Variants in PDGFA observed in about 807,000 individuals in gnomAD.
PDGFA encodes the protein platelet derived growth factor subunit A.
A neutral mutation model predicts 25.6 loss-of-function variants in PDGFA; 9 were observed. The ratio of observed to expected loss-of-function variants is 0.35; its 90% confidence interval spans 0.21 to 0.61. PDGFA has a LOEUF of 0.61. Among genes scored for constraint, PDGFA ranks in the 20% least tolerant of loss-of-function variants. The pLI is 0.75. For missense variants in PDGFA, 242 were observed against 272.8 expected (o/e 0.89, Z 0.79); for synonymous variants, 133 against 111.8 (o/e 1.19, Z -1.20).
At chr7:513,849 A>G (rs1373963808) in intron 2 of PDGFA, among the ~76,000 whole-genome samples, 1 of 152,242 alleles carries the variant, frequency 6.6e-6, no homozygotes, top group African/African-American at 2.4e-5. Flanking sequence ...GCTCGCCCGG[A>G]GCCCAACTTT....
Position 512,469 on chromosome 7 carries a change from G to T in PDGFA, c.161-14C>A, listed in dbSNP as rs777170493. ...AATCCTCACTCCCTGCAGGCGGAAG[G>T]AGAACACCGTGAATGCCCCAGGCCC... is the stretch of plus-strand genomic sequence containing the variant. On this transcript the variant is annotated splice_polypyrimidine_tract_variant and intron_variant, in intron 2 of 5. Coordinates refer to ENST00000402802, the Ensembl canonical transcript of PDGFA. 2 of 1,613,210 alleles carry T rather than the reference G, an allele frequency of 1.2e-6. No homozygotes were observed. Among genetic ancestry groups the T allele is most frequent in the Non-Finnish European group, 1.7e-6 (2 of 1,179,878 alleles).
chr7:510,784 G>A lies in PDGFA; in HGVS notation c.453+25C>T, dbSNP rs1238670409. On this transcript the variant is annotated intron_variant, in intron 4 of 5. Coordinates refer to ENST00000402802, the Ensembl canonical transcript of PDGFA. ...GAGAGGAGAGGAGGGGAGGGGAGGG[G>A]AGGGGAGGGGAGGGGAGGGCTCACC... 5.0e-6 allele frequency: 5 copies of A among 992,908 alleles called. No homozygotes were observed. In the South Asian group the frequency reaches 7.5e-5, roughly 15 times the overall value. The allele number at this position is 992,908 out of a possible 1,614,324, so 61.5% of individuals were successfully genotyped here. A position where few individuals can be genotyped will look rare whatever the true frequency, so the allele number is the denominator to read the frequency against.
intron 4 of PDGFA, among the ~76,000 whole-genome samples, chr7:506,049 G>A (rs894004894): frequency 6.6e-6 from 1 of 151,972 alleles, no homozygotes; most frequent in African/African-American, 2.4e-5. Flanking sequence ...GGTGGTGAGT[G>A]TCTGTAATCC....
Position 500,460 on chromosome 7 carries a change from C to T in PDGFA, c.580+656G>A, listed in dbSNP as rs1782278645. On this transcript the variant is annotated intron_variant, in intron 5 of 5. Coordinates refer to ENST00000402802, the Ensembl canonical transcript of PDGFA. This position sits in a 1 kb window ranked among gnomAD's most constrained non-coding sequence, Gnocchi z 5.0. ...TTGGCTGCTTTAGGTGGGTTTTAAC[C>T]TTTTTCTTTTCCGTTTTTTACCTGA... 6.2e-7 allele frequency: 1 copy of T among 1,614,118 alleles called. No individual in the cohort carries two copies. Among genetic ancestry groups the T allele is most frequent in the Non-Finnish European group, 8.5e-7 (1 of 1,180,044 alleles).
chr7:497,803 G>A (rs141490156), exon 6 of PDGFA: 3 of 137,128 alleles, frequency 2.2e-5, no homozygotes, highest in East Asian at 2.1e-4. Context: ...GAAAAATACC[G>A]TCGCACTGTC....
intron 4 of PDGFA, among the ~76,000 whole-genome samples, chr7:502,791 C>T (rs1165587375): frequency 6.8e-6 from 1 of 146,502 alleles, no homozygotes; most frequent in Non-Finnish European, 1.5e-5. Context: ...CACACACACA[C>T]ACACACACAC....
Position 500,986 on chromosome 7 carries a change from G to A in PDGFA, c.580+130C>T, listed in dbSNP as rs558469709. ...GCATCTGGCCCGGGAGCAGGGCAAC[G>A]AATCCTTCAACAGCAGCCCAGATGC... On this transcript the variant is annotated intron_variant, in intron 5 of 5. Coordinates refer to ENST00000402802, the Ensembl canonical transcript of PDGFA. This position sits in a 1 kb window ranked among gnomAD's most constrained non-coding sequence, Gnocchi z 5.0. 91 of 1,601,234 alleles carry A rather than the reference G, an allele frequency of 5.7e-5. No homozygotes were observed. The East Asian group carries it at 1.6e-3, about 28-fold the overall frequency.
At chr7:501,998 G>A (rs1782360732) in intron 4 of PDGFA, among the ~76,000 whole-genome samples, 1 of 152,192 alleles carries the variant, frequency 6.6e-6, no homozygotes, top group South Asian at 2.1e-4. Context: ...GCCAAGGCGG[G>A]AGGATCACTT....
intron 4 of PDGFA, among the ~76,000 whole-genome samples, chr7:509,986 G>GA (rs568537330): frequency 9.1e-4 from 139 of 152,208 alleles, no homozygotes; most frequent in African/African-American, 3.2e-3. Flanking sequence ...GGAAGCCGGG[G>GA]GGGCCCTCCA....
upstream of PDGFA, chr7:520,365 G>C (rs1306215304): frequency 6.1e-6 from 1 of 164,124 alleles, no homozygotes; most frequent in Non-Finnish European, 1.3e-5. Flanking sequence ...TCAGTCTTTG[G>C]GGAAGGAGGG....
exon 5 of PDGFA, chr7:501,133 T>G: frequency 6.2e-7 from 1 of 1,614,214 alleles, no homozygotes; most frequent in South Asian, 1.1e-5. Context: ...CTCTTCCCGA[T>G]AATCCGGATT....
intron 4 of PDGFA, among the ~76,000 whole-genome samples, chr7:510,505 A>G (rs1583150633): frequency 1.4e-5 from 1 of 72,250 alleles, no homozygotes; most frequent in African/African-American, 5.5e-5. Flanking sequence ...AGGGGAGGGG[A>G]GGGGCAGGGC....
upstream of PDGFA, chr7:520,031 G>A (rs1210674474): frequency 2.5e-6 from 1 of 396,144 alleles, no homozygotes; most frequent in Admixed American, 2.9e-5. Context: ...GAGCACACAC[G>A]CGCTCGCGCA....
intron 4 of PDGFA, among the ~76,000 whole-genome samples, chr7:502,458 C>T (rs984243939): frequency 3.3e-5 from 5 of 152,116 alleles, no homozygotes; most frequent in Admixed American, 2.6e-4. Context: ...GGCCTGACCT[C>T]GGAAACCAGG....
chr7:498,269 T>A, exon 6 of PDGFA: 1 of 477,422 alleles, frequency 2.1e-6, no homozygotes, highest in Non-Finnish European at 3.8e-6. Flanking sequence ...GTTTAGATAT[T>A]TTTGTGAGTC....
chr7:506,068 C>T (rs750150891), intron 4 of PDGFA, among the ~76,000 whole-genome samples: 4 of 150,916 alleles, frequency 2.7e-5, no homozygotes, highest in East Asian at 2.0e-4. Flanking sequence ...CCCAGCTACT[C>T]GAGAGGCTAA....
At chr7:519,100 G>A (rs994508660) in exon 1 of PDGFA, 36 of 875,644 alleles carry the variant, frequency 4.1e-5, no homozygotes, top group Non-Finnish European at 5.7e-5. Flanking sequence ...CCATCCCTTA[G>A]GGAGCGCGGC....
At chr7:510,712 G>C in intron 4 of PDGFA, 97 bp downstream of exon 4, 1 of 459,846 alleles carries the variant, frequency 2.2e-6, no homozygotes, top group Non-Finnish European at 3.8e-6. Flanking sequence ...GGGTGGGGAG[G>C]GGAGGGGAGG....
At chr7:505,817 C>T (rs540523700) in intron 4 of PDGFA, among the ~76,000 whole-genome samples, 3 of 152,308 alleles carry the variant, frequency 2.0e-5, no homozygotes, top group African/African-American at 7.2e-5. Context: ...CGCCCCACAG[C>T]CCCACCTGGG....
Sources: allele counts gnomAD v4.1 joint callset (sites outside exome capture counted in the v4.1 genomes callset), GRCh38; gene constraint gnomAD v4.1.1; non-coding constraint Gnocchi (gnomAD v3.1); transcripts MANE v1.5; gene names NCBI Gene and HGNC (gene_info 2026-07-23, HGNC 2026-07-21).